Variants in CHRM2 observed in about 807,000 individuals in gnomAD.
CHRM2 encodes the protein cholinergic receptor muscarinic 2.
Under a neutral mutation model 25.0 loss-of-function variants are expected in CHRM2, and 8 were observed. The observed-to-expected ratio is 0.32, with a 90% CI of 0.19 to 0.58. The LOEUF (loss-of-function observed/expected upper bound fraction) is 0.58, where lower values mean the gene tolerates loss of function less well. Among genes scored for constraint, CHRM2 ranks in the 20% least tolerant of loss-of-function variants. The pLI is 0.88. For synonymous variants in CHRM2, 202 were observed against 205.7 expected (o/e 0.98, Z 0.15); for missense variants, 440 against 567.1 (o/e 0.78, Z 2.28).
chr7:136,887,239 A>ATATACAC (rs1796503596), intron 2 of CHRM2, among the ~76,000 whole-genome samples: 1 of 152,244 alleles, frequency 6.6e-6, no homozygotes. Flanking sequence ...TGTATATCTT[A>ATATACAC]AATATACACA....
At chr7:136,931,435 A>C (rs1799099731) in intron 2 of CHRM2, among the ~76,000 whole-genome samples, 1 of 152,208 alleles carries the variant, frequency 6.6e-6, no homozygotes, top group Non-Finnish European at 1.5e-5. Context: ...GCACATAGAA[A>C]TGAGAAGAAC....
At chr7:136,915,932 G>A (rs749895189) in intron 2 of CHRM2, among the ~76,000 whole-genome samples, 1 of 151,304 alleles carries the variant, frequency 6.6e-6, no homozygotes, top group African/African-American at 2.4e-5. Context: ...CATAAATTAG[G>A]AGCTTATATT....
intron 2 of CHRM2, among the ~76,000 whole-genome samples, chr7:136,889,521 C>G (rs1251905894): frequency 1.3e-5 from 2 of 152,320 alleles, no homozygotes; most frequent in East Asian, 3.9e-4. Flanking sequence ...CACAAATCAA[C>G]TTTTCCAACT....
chr7:136,879,847 A>G (rs1490077617), intron 2 of CHRM2, among the ~76,000 whole-genome samples: 1 of 151,932 alleles, frequency 6.6e-6, no homozygotes, highest in African/African-American at 2.4e-5. Context: ...AAAGGCGGCC[A>G]TCTTTATTTT....
intron 2 of CHRM2, among the ~76,000 whole-genome samples, chr7:136,905,879 G>A (rs1797509932): frequency 6.6e-6 from 1 of 150,482 alleles, no homozygotes. Flanking sequence ...TTGCTTCTTA[G>A]TTTTACTTTG....
chr7:136,994,004 G>A lies in CHRM2; in HGVS notation c.-47+1740G>A, dbSNP rs564720590. On this transcript the variant is annotated intron_variant, in intron 3 of 3. Coordinates refer to ENST00000680005, the MANE Select transcript of CHRM2 (RefSeq NM_001006630.2). ...GTTTCCACTGTTTTGTTTAAAGGTT[G>A]CTTGCTTGCAGGTGATGGTTGCAAT... Among the ~76,000 whole-genome samples the A allele has an allele frequency of 2.6e-4, 40 of 152,230 alleles. 1 individual carries two copies. Among genetic ancestry groups the A allele is most frequent in the Admixed American group, 6.5e-4 (10 of 15,278 alleles).
In CHRM2 at chr7:136,910,392, T is replaced by C. The variant is rs183528139; in HGVS notation, c.-125+40974T>C. The stretch of plus-strand genomic sequence containing the variant: ...TTGAATTGAAGCCAAGTCATTATTG[T>C]AGCAATAAGATGGGTTCTCTGACAG... On this transcript the variant is annotated intron_variant, in intron 2 of 3. Coordinates refer to ENST00000680005, the MANE Select transcript of CHRM2 (RefSeq NM_001006630.2). 8.5e-3 allele frequency among the ~76,000 whole-genome samples: 1,297 copies of C among 151,986 alleles called. 10 individuals are homozygous for C. The highest frequency in any genetic ancestry group is 0.013 in the Non-Finnish European group (894 of 67,868).
At chr7:136,930,202 G>A (rs1357519947) in intron 2 of CHRM2, among the ~76,000 whole-genome samples, 2 of 152,116 alleles carry the variant, frequency 1.3e-5, no homozygotes, top group South Asian at 2.1e-4. Context: ...GGAAGCCGAC[G>A]TGGGCAGATC....
chr7:136,981,852 A>T (rs1295532213), intron 2 of CHRM2, among the ~76,000 whole-genome samples: 2 of 151,980 alleles, frequency 1.3e-5, no homozygotes, highest in East Asian at 3.9e-4. Context: ...TTTGCTGAGG[A>T]GTGTTTTACT....
intron 2 of CHRM2, among the ~76,000 whole-genome samples, chr7:136,963,860 T>C (rs1311279796): frequency 2.0e-5 from 3 of 152,234 alleles, no homozygotes; most frequent in Non-Finnish European, 2.9e-5. Flanking sequence ...AATACTGCTG[T>C]AGCAAAGGTT....
intron 2 of CHRM2, among the ~76,000 whole-genome samples, chr7:136,896,032 CT>C (rs1297915854): frequency 1.8e-4 from 27 of 152,052 alleles, no homozygotes; most frequent in Non-Finnish European, 1.8e-4. Flanking sequence ...GTTATACAGA[CT>C]TGTTTTTAAA....
At chr7:136,937,582 T>C (rs906659445) in intron 2 of CHRM2, among the ~76,000 whole-genome samples, 6 of 152,204 alleles carry the variant, frequency 3.9e-5, no homozygotes, top group Admixed American at 3.3e-4. Context: ...AATTGATATT[T>C]GTGTCACTGT....
At chr7:136,958,192 A>C (rs1055644332) in intron 2 of CHRM2, among the ~76,000 whole-genome samples, 3 of 152,220 alleles carry the variant, frequency 2.0e-5, no homozygotes, top group Admixed American at 6.5e-5. Flanking sequence ...ATAGATAAGA[A>C]GGCAACATCT....
chr7:136,960,868 G>C (rs1258665807), intron 2 of CHRM2, among the ~76,000 whole-genome samples: 1 of 152,202 alleles, frequency 6.6e-6, no homozygotes, highest in African/African-American at 2.4e-5. Context: ...GCTCACACCT[G>C]TAATCCTAGC....
chr7:136,912,744 A>AC (rs1393224776), intron 2 of CHRM2, among the ~76,000 whole-genome samples: 1 of 151,986 alleles, frequency 6.6e-6, no homozygotes, highest in Non-Finnish European at 1.5e-5. Flanking sequence ...TAATTACAAA[A>AC]AGATAATTAA....
chr7:136,928,159 G>C (rs1349102770), intron 2 of CHRM2, among the ~76,000 whole-genome samples: 2 of 152,042 alleles, frequency 1.3e-5, no homozygotes, highest in Non-Finnish European at 2.9e-5. Context: ...GAGGAGCATT[G>C]GTGGAGAATC....
intron 2 of CHRM2, among the ~76,000 whole-genome samples, chr7:136,912,122 A>AT (rs879773881): frequency 6.6e-5 from 10 of 151,638 alleles, no homozygotes; most frequent in Non-Finnish European, 1.0e-4. Context: ...TTTTTATAGG[A>AT]TTTTTTTTAA....
chr7:136,894,313 T>G (rs1796805079), intron 2 of CHRM2, among the ~76,000 whole-genome samples: 2 of 152,180 alleles, frequency 1.3e-5, no homozygotes, highest in Non-Finnish European at 2.9e-5. Context: ...TAATCTTAGT[T>G]ATCATTTTGA....
chr7:136,996,238 C>A, intron 3 of CHRM2, among the ~76,000 whole-genome samples: 1 of 151,856 alleles, frequency 6.6e-6, no homozygotes, highest in Non-Finnish European at 1.5e-5. Context: ...ATATTAACTT[C>A]TTGGGATGGA....
Sources: allele counts gnomAD v4.1 joint callset (sites outside exome capture counted in the v4.1 genomes callset), GRCh38; gene constraint gnomAD v4.1.1; transcripts MANE v1.5; gene names NCBI Gene and HGNC (gene_info 2026-07-23, HGNC 2026-07-21).